GALNT13: variants seen among roughly 807,000 people sequenced by gnomAD.
GALNT13 encodes the protein UDP-GalNAc:polypeptide N-acetylgalactosaminyltransferase 13.
A neutral mutation model predicts 64.2 loss-of-function variants in GALNT13; 28 were observed. That is an observed-to-expected ratio of 0.44 (90% CI 0.32 to 0.60). The LOEUF (loss-of-function observed/expected upper bound fraction) is 0.60. Ranked by LOEUF, GALNT13 falls within the 20% of genes least tolerant of loss-of-function variation. The pLI, the probability that GALNT13 is intolerant of heterozygous loss-of-function variation, is 0.05. For synonymous variants in GALNT13, 214 were observed against 224.6 expected (o/e 0.95, Z 0.42); for missense variants, 577 against 669.8 (o/e 0.86, Z 1.53).
chr2:154,198,504 G>A (rs1440756476), intron 4 of GALNT13, among the ~76,000 whole-genome samples: 1 of 151,878 alleles, frequency 6.6e-6, no homozygotes, highest in Admixed American at 6.6e-5. Flanking sequence ...GTTAAAGTAA[G>A]TTTTTTCCCC....
At chr2:153,973,119 T>G (rs1026234080) in intron 3 of GALNT13, among the ~76,000 whole-genome samples, 4 of 152,012 alleles carry the variant, frequency 2.6e-5, no homozygotes, top group Admixed American at 1.3e-4. Context: ...CCCCTTTTTT[T>G]TCCTAACAAG....
intron 6 of GALNT13, among the ~76,000 whole-genome samples, chr2:154,243,236 C>G (rs1426373101): frequency 4.6e-5 from 7 of 152,094 alleles, no homozygotes; most frequent in Non-Finnish European, 1.0e-4. Context: ...GACAACCACC[C>G]TGTGAGGTAG....
At chr2:153,405,842 T>C in the GALNT13 span, among the ~76,000 whole-genome samples, 1 of 152,072 alleles carries the variant, frequency 6.6e-6, no homozygotes, top group Admixed American at 6.6e-5. Context: ...CCTAGAACTT[T>C]CCCCCAACTC....
chr2:154,172,055 A>T (rs1392320144), intron 4 of GALNT13, among the ~76,000 whole-genome samples: 2 of 151,878 alleles, frequency 1.3e-5, no homozygotes, highest in Non-Finnish European at 2.9e-5. Context: ...TGAGCCTCAA[A>T]TATGAATCTG....
At chr2:154,411,492 G>T (rs990348264) in intron 11 of GALNT13, among the ~76,000 whole-genome samples, 15 of 151,654 alleles carry the variant, frequency 9.9e-5, no homozygotes, top group Non-Finnish European at 7.4e-5. Context: ...AATGACTGAG[G>T]GAGGTCTGCA....
At chr2:153,918,574 C>T (rs1689547761) in intron 2 of GALNT13, among the ~76,000 whole-genome samples, 1 of 152,078 alleles carries the variant, frequency 6.6e-6, no homozygotes, top group Non-Finnish European at 1.5e-5. Context: ...ACTAACTTAC[C>T]AGTGTCCCTA....
At chr2:153,781,945 G>A in the GALNT13 span, among the ~76,000 whole-genome samples, 1 of 152,132 alleles carries the variant, frequency 6.6e-6, no homozygotes, top group Non-Finnish European at 1.5e-5. Flanking sequence ...TACCTTAAGC[G>A]AAACCAGCTA....
At chr2:153,218,567 C>T in the GALNT13 span, among the ~76,000 whole-genome samples, 26 of 152,308 alleles carry the variant, frequency 1.7e-4, no homozygotes, top group East Asian at 4.8e-3. Context: ...CACAGTGGCT[C>T]ATGTACCCCT....
intron 3 of GALNT13, among the ~76,000 whole-genome samples, chr2:153,998,629 G>A (rs1416450490): frequency 6.6e-6 from 1 of 152,126 alleles, no homozygotes; most frequent in Admixed American, 6.5e-5. Flanking sequence ...CTTTTGCTGT[G>A]TAGAAGCTCT....
At chr2:153,264,902 T>C in the GALNT13 span, among the ~76,000 whole-genome samples, 1 of 152,192 alleles carries the variant, frequency 6.6e-6, no homozygotes, top group Non-Finnish European at 1.5e-5. Context: ...TGTTTACCTA[T>C]GTAACAAACC....
rs2105510223 is a variant in GALNT13 at position 154,451,352 on chromosome 2, A to G, written c.*801A>G. The stretch of plus-strand genomic sequence containing the variant: ...TATGTTGGATACTCAATTCTTAACC[A>G]AAATCTTGGTCTCCACAAACTCTAC... On this transcript the variant is annotated 3_prime_UTR_variant, in exon 13 of 13. Transcript: ENST00000392825. The G allele has an allele frequency of 6.6e-6, 1 of 152,182 alleles. No individual in the cohort carries two copies. Among genetic ancestry groups the G allele is most frequent in the African/African-American group, 2.4e-5 (1 of 41,552 alleles). The allele number at this position is 152,182 out of a possible 1,614,324, so 9.4% of individuals were successfully genotyped here. A position where few individuals can be genotyped will look rare whatever the true frequency, so the allele number is the denominator to read the frequency against.
chr2:154,348,421 T>G (rs1696192189), intron 9 of GALNT13, among the ~76,000 whole-genome samples: 1 of 151,912 alleles, frequency 6.6e-6, no homozygotes, highest in African/African-American at 2.4e-5. Context: ...TACAGTGTGC[T>G]TTGGTTGGTT....
the GALNT13 span, among the ~76,000 whole-genome samples, chr2:153,190,113 T>A: frequency 1.3e-5 from 2 of 152,110 alleles, no homozygotes; most frequent in Non-Finnish European, 2.9e-5. Context: ...TCCCATTCGT[T>A]TATTCTGTAT....
chr2:153,185,103 G>C, the GALNT13 span, among the ~76,000 whole-genome samples: 1 of 152,036 alleles, frequency 6.6e-6, no homozygotes, highest in African/African-American at 2.4e-5. Context: ...GGCTTTTTTC[G>C]ATTGGTAGGC....
At chr2:154,019,646 AC>A in intron 3 of GALNT13, among the ~76,000 whole-genome samples, 1 of 148,964 alleles carries the variant, frequency 6.7e-6, no homozygotes, top group African/African-American at 2.5e-5. Flanking sequence ...ACACACACAC[AC>A]ACACACAAAA....
intron 8 of GALNT13, among the ~76,000 whole-genome samples, chr2:154,299,060 G>A (rs1693265143): frequency 6.8e-6 from 1 of 146,506 alleles, no homozygotes; most frequent in African/African-American, 2.5e-5. Context: ...ATAAAATGTA[G>A]ATAAAATATA....
chr2:154,191,002 A>G (rs1451099990), intron 4 of GALNT13, among the ~76,000 whole-genome samples: 2 of 152,172 alleles, frequency 1.3e-5, no homozygotes, highest in Non-Finnish European at 1.5e-5. Flanking sequence ...CAAATGCTCA[A>G]TAGCCACATG....
At chr2:153,131,038 G>A in the GALNT13 span, among the ~76,000 whole-genome samples, 12,680 of 152,208 alleles carry the variant, frequency 0.083, 618 homozygotes, top group Non-Finnish European at 0.11. Context: ...TGTACTGGGA[G>A]ATCCTGACCA....
At chr2:153,618,215 G>A in the GALNT13 span, among the ~76,000 whole-genome samples, 1 of 151,784 alleles carries the variant, frequency 6.6e-6, no homozygotes, top group Non-Finnish European at 1.5e-5. Context: ...GCTTTGGTAT[G>A]TTGTGTTTCC....
Sources: gnomAD v4.1 joint callset for allele counts (sites outside exome capture counted in the v4.1 genomes callset) on GRCh38, gnomAD v4.1.1 for gene constraint, MANE v1.5 for transcripts, NCBI Gene and HGNC (gene_info 2026-07-23, HGNC 2026-07-21) for gene names.